RABGAP1: variants seen among roughly 807,000 people sequenced by gnomAD.
RABGAP1 encodes the protein RAB GTPase activating protein 1.
Under a neutral mutation model 137.6 loss-of-function variants are expected in RABGAP1, and 23 were observed. The ratio of observed to expected loss-of-function variants is 0.17; its 90% CI spans 0.12 to 0.24. The LOEUF (loss-of-function observed/expected upper bound fraction) is 0.24. Among genes scored for constraint, RABGAP1 ranks in the 10% least tolerant of loss-of-function variants. RABGAP1 has a pLI of 1.00. For missense variants in RABGAP1, 906 were observed against 1,275.8 expected (o/e 0.71, Z 4.42); for synonymous variants, 451 against 450.7 (o/e 1.00, Z -0.01).
chr9:122,993,255 G>A (rs1246990295), intron 6 of RABGAP1, among the ~76,000 whole-genome samples: 1 of 151,984 alleles, frequency 6.6e-6, no homozygotes, highest in Non-Finnish European at 1.5e-5. Flanking sequence ...TTCTGAAAAA[G>A]TATAATTTTT....
rs1564134071 is a variant in RABGAP1 at position 123,015,570 on chromosome 9, C to G, written c.1577C>G (p.Ser526Cys). 1 of 1,611,796 alleles carries G rather than the reference C, an allele frequency of 6.2e-7. No individual in the cohort carries two copies. Residue 526 changes from serine (S) to cysteine (C), a missense_variant, in exon 12 of 26, where the codon TCT becomes TGT. Ser to Cys is a moderately radical substitution (Grantham distance 112). Around this residue, in one of 9 missense-constraint regions of RABGAP1, gnomAD observed 212 missense variants for 289.4 expected, o/e 0.73. Transcript: ENST00000373647. The stretch of plus-strand genomic sequence containing the variant: ...AATGATGAACCTCTCCTGAGTGGAT[C>G]TGGTGATGTATCCAAAGAATGTGCA... ...EDNDEPLLSGSGDVSKECAEK... is the reference protein window; with the variant it reads ...EDNDEPLLSGCGDVSKECAEK...
At chr9:123,080,012 A>G (rs977950491) in intron 19 of RABGAP1, among the ~76,000 whole-genome samples, 3 of 152,226 alleles carry the variant, frequency 2.0e-5, no homozygotes, top group African/African-American at 7.2e-5. Flanking sequence ...AGTGTCTACC[A>G]TGTGTTTTAC....
intron 13 of RABGAP1, among the ~76,000 whole-genome samples, chr9:123,022,347 T>G (rs1755757312): frequency 6.6e-6 from 1 of 152,146 alleles, no homozygotes; most frequent in African/African-American, 2.4e-5. Flanking sequence ...TATGAAACAT[T>G]TGATTGATTT....
chr9:123,050,938 G>GT (rs1252334960), intron 13 of RABGAP1, among the ~76,000 whole-genome samples: 5 of 151,746 alleles, frequency 3.3e-5, no homozygotes, highest in South Asian at 4.2e-4. Context: ...CAATAGCAGG[G>GT]TTTTTTTTGT....
intron 15 of RABGAP1, 102 bp from the exon 16 acceptor site, chr9:123,073,450 C>T (rs1176005963): frequency 1.2e-5 from 17 of 1,420,720 alleles, no homozygotes; most frequent in Admixed American, 9.1e-5. Flanking sequence ...TCTGGTAAGG[C>T]AATAATATAA....
At chr9:122,932,228 T>C in the RABGAP1 span, among the ~76,000 whole-genome samples, 18 of 152,324 alleles carry the variant, frequency 1.2e-4, no homozygotes, top group Admixed American at 7.8e-4. Flanking sequence ...TTGGTGGTGG[T>C]GAGGGGCTTT....
At chr9:123,086,424 A>G (rs1033497155) in intron 19 of RABGAP1, among the ~76,000 whole-genome samples, 1 of 152,192 alleles carries the variant, frequency 6.6e-6, no homozygotes, top group Admixed American at 6.5e-5. Flanking sequence ...AGACATTCAT[A>G]ATGTCATAGG....
At chr9:122,972,961 C>A (rs1475697113) in intron 2 of RABGAP1, among the ~76,000 whole-genome samples, 6 of 130,620 alleles carry the variant, frequency 4.6e-5, no homozygotes, top group African/African-American at 1.2e-4. Flanking sequence ...ATAGTGAGAG[C>A]CTATCTCTTT....
chr9:123,083,996 A>C (rs1351136588), intron 19 of RABGAP1, among the ~76,000 whole-genome samples: 4 of 152,176 alleles, frequency 2.6e-5, no homozygotes, highest in Non-Finnish European at 5.9e-5. Flanking sequence ...AATCACCCCA[A>C]ACTTGCATTC....
intron 2 of RABGAP1, 80 bp downstream of exon 2, chr9:122,957,289 A>G (rs1178431090): frequency 2.6e-6 from 3 of 1,144,956 alleles, no homozygotes; most frequent in Non-Finnish European, 3.5e-6. Flanking sequence ...GAAAACAGAT[A>G]TGGGAGGAAA....
At chr9:123,008,063 G>A (rs1007629807) in intron 10 of RABGAP1, among the ~76,000 whole-genome samples, 2 of 151,794 alleles carry the variant, frequency 1.3e-5, no homozygotes, top group East Asian at 3.9e-4. Context: ...TGCAGAAATT[G>A]TAAAATAGTA....
At chr9:123,085,691 GA>G (rs1182919611) in intron 19 of RABGAP1, among the ~76,000 whole-genome samples, 1 of 152,058 alleles carries the variant, frequency 6.6e-6, no homozygotes, top group African/African-American at 2.4e-5. Flanking sequence ...AAAAGTAAGA[GA>G]AAAAAATGAG....
chr9:122,990,606 C>G (rs1242412135), intron 6 of RABGAP1: 1 of 150,622 alleles, frequency 6.6e-6, no homozygotes, highest in Non-Finnish European at 1.5e-5. Context: ...CTTGTCTCTA[C>G]TAAAAATACA....
At chr9:122,975,085 C>T (rs1005068521) in intron 2 of RABGAP1, among the ~76,000 whole-genome samples, 1 of 152,158 alleles carries the variant, frequency 6.6e-6, no homozygotes, top group Non-Finnish European at 1.5e-5. Flanking sequence ...AGCAATATTA[C>T]TCAGTTTGAA....
chr9:123,091,288 A>G (rs1446092024), intron 21 of RABGAP1, among the ~76,000 whole-genome samples: 1 of 152,190 alleles, frequency 6.6e-6, no homozygotes, highest in South Asian at 2.1e-4. Context: ...GTCTTACATT[A>G]TATGCACTGA....
Position 123,091,359 on chromosome 9 carries a change from T to G in RABGAP1, c.2628+974T>G, listed in dbSNP as rs1032444641. Among the ~76,000 whole-genome samples, 4 of 152,224 alleles carry G rather than the reference T, an allele frequency of 2.6e-5. 1 individual carries two copies. The highest frequency in any genetic ancestry group is 9.7e-5 in the African/African-American group (4 of 41,448). On this transcript the variant is annotated intron_variant, in intron 21 of 25. Coordinates refer to ENST00000373647, the MANE Select transcript of RABGAP1 (RefSeq NM_012197.4). ...CCACCAGAAGCTTACAAAAATTTTG[T>G]GTACTCATGCATTTCCTTGAAAGGC...
At chr9:122,968,113 T>G (rs1342142701) in intron 2 of RABGAP1, among the ~76,000 whole-genome samples, 1 of 152,068 alleles carries the variant, frequency 6.6e-6, no homozygotes, top group African/African-American at 2.4e-5. Flanking sequence ...ACATGAGACA[T>G]GAGACATTTT....
At chr9:122,965,178 A>T (rs1564364442) in intron 2 of RABGAP1, among the ~76,000 whole-genome samples, 1 of 152,196 alleles carries the variant, frequency 6.6e-6, no homozygotes, top group Non-Finnish European at 1.5e-5. Context: ...GATACATGCT[A>T]CTACATAGAT....
upstream of RABGAP1, among the ~76,000 whole-genome samples, chr9:122,937,424 C>G (rs561601997): frequency 6.6e-6 from 1 of 152,032 alleles, no homozygotes; most frequent in African/African-American, 2.4e-5. Context: ...CATGGTGAAA[C>G]CCTGTCTCTA....
Sources: gnomAD v4.1 joint callset for allele counts (sites outside exome capture counted in the v4.1 genomes callset) on GRCh38, gnomAD v4.1.1 for gene constraint, gnomAD v4.1.1 regional missense constraint, MANE v1.5 for transcripts, NCBI Gene and HGNC (gene_info 2026-07-23, HGNC 2026-07-21) for gene names.